The following DPYD variants were observed in gnomAD, a reference collection of about 807,000 sequenced individuals.
The protein encoded by DPYD is dihydropyrimidine dehydrogenase [NADP(+)].
DPYD carries 109 observed loss-of-function variants against 116.2 expected under a neutral mutation model. The ratio of observed to expected loss-of-function variants is 0.94; its 90% confidence interval spans 0.80 to 1.10. DPYD has a LOEUF of 1.10. DPYD is among the 50% of genes least tolerant of loss of function. The pLI, the probability that DPYD is intolerant of heterozygous loss-of-function variation, is 0.00. For missense variants in DPYD, 1,302 were observed against 1,254.5 expected (o/e 1.04, Z -0.57); for synonymous variants, 440 against 432.0 (o/e 1.02, Z -0.23).
At chr1:97,696,930 T>C (rs952797501) in intron 6 of DPYD, among the ~76,000 whole-genome samples, 2 of 152,014 alleles carry the variant, frequency 1.3e-5, no homozygotes, top group Admixed American at 6.6e-5. Flanking sequence ...ATGAAAACAA[T>C]ATAAAATTTG....
intron 13 of DPYD, among the ~76,000 whole-genome samples, chr1:97,489,754 T>A (rs1206661916): frequency 6.6e-6 from 1 of 152,206 alleles, no homozygotes; most frequent in Non-Finnish European, 1.5e-5. Context: ...AATATTCCTA[T>A]TTCATTATAA....
chr1:97,703,167 T>C (rs1661707633), intron 5 of DPYD, among the ~76,000 whole-genome samples: 1 of 151,984 alleles, frequency 6.6e-6, no homozygotes, highest in Admixed American at 6.6e-5. Context: ...TTGCACTAGG[T>C]TTTCCCCGAG....
intron 6 of DPYD, among the ~76,000 whole-genome samples, chr1:97,696,373 C>G (rs1001798308): frequency 6.6e-6 from 1 of 151,998 alleles, no homozygotes; most frequent in Non-Finnish European, 1.5e-5. Flanking sequence ...ATGTATAAAT[C>G]TGTTGCTTAG....
chr1:97,502,743 C>A (rs1402917050), intron 13 of DPYD, among the ~76,000 whole-genome samples: 1 of 151,816 alleles, frequency 6.6e-6, no homozygotes, highest in Admixed American at 6.6e-5. Context: ...TAACTGATCA[C>A]ATAACTATTA....
At chr1:97,753,030 A>G (rs1665018462) in intron 3 of DPYD, among the ~76,000 whole-genome samples, 1 of 152,318 alleles carries the variant, frequency 6.6e-6, no homozygotes, top group South Asian at 2.1e-4. Flanking sequence ...ACAAATCTTT[A>G]TAATTTAAAC....
chr1:97,224,725 T>TC, intron 19 of DPYD, among the ~76,000 whole-genome samples: 1 of 152,042 alleles, frequency 6.6e-6, no homozygotes, highest in Non-Finnish European at 1.5e-5. Context: ...GTCAACTTTT[T>TC]TTTTTTTTAG....
chr1:97,793,733 C>G (rs1667430882), intron 3 of DPYD, among the ~76,000 whole-genome samples: 9 of 151,954 alleles, frequency 5.9e-5, no homozygotes, highest in Admixed American at 5.9e-4. Flanking sequence ...TAACCTAGAG[C>G]CAAATGTAAA....
At chr1:97,143,252 T>C (rs1654360995) in intron 20 of DPYD, among the ~76,000 whole-genome samples, 1 of 152,150 alleles carries the variant, frequency 6.6e-6, no homozygotes, top group African/African-American at 2.4e-5. Context: ...AAGGTGTGTT[T>C]TGGAATTCCT....
intron 14 of DPYD, among the ~76,000 whole-genome samples, chr1:97,416,765 T>C (rs2101684362): frequency 6.6e-6 from 1 of 152,326 alleles, no homozygotes; most frequent in African/African-American, 2.4e-5. Flanking sequence ...CACTCATCAC[T>C]GGAATGGCAG....
intron 13 of DPYD, among the ~76,000 whole-genome samples, chr1:97,506,140 T>G (rs1000876650): frequency 2.6e-5 from 4 of 152,018 alleles, no homozygotes; most frequent in Non-Finnish European, 4.4e-5. Context: ...GTAATTTTAC[T>G]AAAACAGAGT....
At chr1:97,677,942 A>G (rs150272591) in intron 8 of DPYD, among the ~76,000 whole-genome samples, 419 of 152,306 alleles carry the variant, frequency 2.8e-3, no homozygotes, top group Non-Finnish European at 5.0e-3. Context: ...TTCGAACTTC[A>G]TATTCTGAGT....
rs942469105 is a variant in DPYD at position 97,726,722 on chromosome 1, GA to G, written c.322-5052del. On this transcript the variant is annotated intron_variant, in intron 4 of 22. Coordinates refer to ENST00000370192, the MANE Select transcript of DPYD (RefSeq NM_000110.4). ...AGGATACTTGGGGTAAGGAAGCACAGAAAAAAAAAACATAATCCAATTAAAC... is the reference window on the plus strand; with the variant it reads ...AGGATACTTGGGGTAAGGAAGCACAGAAAAAAAAACATAATCCAATTAAAC... Among the ~76,000 whole-genome samples the G allele has an allele frequency of 6.7e-3, 969 of 144,444 alleles. 14 individuals carry two copies. The highest frequency in any genetic ancestry group is 0.023 in the African/African-American group (912 of 39,628). The allele number at this position is 144,444 out of a possible 152,430, so 94.8% of individuals were successfully genotyped here.
At chr1:97,182,489 T>C (rs1372181415) in intron 20 of DPYD, among the ~76,000 whole-genome samples, 1 of 152,108 alleles carries the variant, frequency 6.6e-6, no homozygotes, top group African/African-American at 2.4e-5. Context: ...ACTACAATCA[T>C]AGAAAGTGAC....
intron 8 of DPYD, among the ~76,000 whole-genome samples, chr1:97,600,291 G>A (rs1239400923): frequency 6.6e-6 from 1 of 152,084 alleles, no homozygotes. Flanking sequence ...CACATGTTAT[G>A]TTACTCAGTC....
chr1:97,225,007 A>G (rs201975835), intron 19 of DPYD, among the ~76,000 whole-genome samples: 112 of 21,984 alleles, frequency 5.1e-3, no homozygotes, highest in South Asian at 0.026. Context: ...CTGTCTGTCT[A>G]TCTATCTATC....
intron 16 of DPYD, among the ~76,000 whole-genome samples, chr1:97,317,512 A>G (rs1036721762): frequency 1.3e-5 from 2 of 152,044 alleles, no homozygotes; most frequent in Non-Finnish European, 2.9e-5. Flanking sequence ...GACTTCAAGC[A>G]GCTTGGCATT....
chr1:97,889,693 GAAC>G (rs1221646379), intron 1 of DPYD, among the ~76,000 whole-genome samples: 2 of 152,042 alleles, frequency 1.3e-5, no homozygotes, highest in South Asian at 2.1e-4. Context: ...ACAGTGGATA[GAAC>G]AACTAGGCAG....
At chr1:97,275,007 G>T (rs140207664) in intron 18 of DPYD, among the ~76,000 whole-genome samples, 1 of 152,252 alleles carries the variant, frequency 6.6e-6, no homozygotes, top group East Asian at 1.9e-4. Flanking sequence ...TGAGAAGCTG[G>T]TTCTAAGGGT....
intron 19 of DPYD, among the ~76,000 whole-genome samples, chr1:97,228,190 T>C (rs1661324182): frequency 6.6e-6 from 1 of 151,798 alleles, no homozygotes; most frequent in African/African-American, 2.4e-5. Context: ...TCTACAACAA[T>C]GCTAAGAATA....
Sources: allele counts gnomAD v4.1 joint callset (sites outside exome capture counted in the v4.1 genomes callset), GRCh38; gene constraint gnomAD v4.1.1; transcripts MANE v1.5; gene names NCBI Gene and HGNC (gene_info 2026-07-23, HGNC 2026-07-21).